NCOA1: variants seen among roughly 807,000 people sequenced by gnomAD.
The protein encoded by NCOA1 is Hin-2 protein.
In NCOA1, 35 loss-of-function variants were observed where a neutral mutation model predicts 150.9. The observed-to-expected ratio is 0.23, with a 90% confidence interval of 0.18 to 0.31. The LOEUF (loss-of-function observed/expected upper bound fraction) is 0.31. Among genes scored for constraint, NCOA1 ranks in the 10% least tolerant of loss-of-function variants. NCOA1 has a pLI of 1.00. For synonymous variants in NCOA1, 590 were observed against 630.0 expected (o/e 0.94, Z 0.95); for missense variants, 1,491 against 1,749.3 (o/e 0.85, Z 2.63).
In NCOA1 at chr2:24,707,170, A is replaced by G. The variant is rs761656585; in HGVS notation, c.1700A>G (p.Gln567Arg). 9.3e-6 allele frequency: 15 copies of G among 1,614,116 alleles called. No homozygotes were observed. In the African/African-American group the frequency reaches 1.6e-4, roughly 17 times the overall value. The stretch of plus-strand genomic sequence containing the variant: ...CCAGTCCTCAGGCAGATGAGCTCAC[A>G]GAATTCACCTAGCAGATTAAATATA... ...SSPVLRQMSS[Q>R]NSPSRLNIQP... Residue 567 changes from glutamine (Q) to arginine (R), a missense_variant, in exon 13 of 23, where the codon CAG becomes CGG. Gln to Arg is a conservative substitution (Grantham distance 43, BLOSUM62 1). Transcript: ENST00000348332.
chr2:24,744,654 C>T (rs544457187), intron 19 of NCOA1, among the ~76,000 whole-genome samples: 53 of 152,292 alleles, frequency 3.5e-4, no homozygotes, highest in African/African-American at 1.3e-3. Context: ...TGGTTTTATG[C>T]TTCTATTCCT....
chr2:24,569,295 GTTAA>G (rs1233960500), intron 2 of NCOA1, among the ~76,000 whole-genome samples: 2 of 152,068 alleles, frequency 1.3e-5, no homozygotes, highest in South Asian at 2.1e-4. Context: ...TTACATGTTT[GTTAA>G]TTAGTTTTTT....
chr2:24,585,264 A>G (rs1025734558), intron 3 of NCOA1, among the ~76,000 whole-genome samples: 1 of 152,150 alleles, frequency 6.6e-6, no homozygotes, highest in African/African-American at 2.4e-5. Context: ...AGTCTTACCA[A>G]TTTTTGTAGC....
chr2:24,538,904 T>C (rs1306225266), intron 1 of NCOA1, among the ~76,000 whole-genome samples: 1 of 152,166 alleles, frequency 6.6e-6, no homozygotes, highest in East Asian at 1.9e-4. Context: ...CATGACAGCG[T>C]AGTGATACAA....
At chr2:24,497,627 G>A (rs896849796) in intron 1 of NCOA1, among the ~76,000 whole-genome samples, 10 of 151,846 alleles carry the variant, frequency 6.6e-5, no homozygotes, top group Admixed American at 1.3e-4. Context: ...AGCCGAGATC[G>A]CGCCATTGCA....
intron 3 of NCOA1, among the ~76,000 whole-genome samples, chr2:24,589,937 TC>T (rs1667582915): frequency 6.6e-6 from 1 of 152,162 alleles, no homozygotes; most frequent in East Asian, 1.9e-4. Context: ...TCATATTTTT[TC>T]TAATTTATAT....
intron 2 of NCOA1, among the ~76,000 whole-genome samples, chr2:24,577,147 C>T (rs1320754655): frequency 6.6e-6 from 1 of 152,072 alleles, no homozygotes. Flanking sequence ...TGTTTAGGCT[C>T]TTCAAAGTGT....
chr2:24,711,792 TG>T (rs1673761473), intron 14 of NCOA1, among the ~76,000 whole-genome samples: 1 of 152,244 alleles, frequency 6.6e-6, no homozygotes, highest in Non-Finnish European at 1.5e-5. Flanking sequence ...AAGATAAGGC[TG>T]TCAGATTTTT....
At chr2:24,523,233 C>A (rs1304947179) in intron 1 of NCOA1, among the ~76,000 whole-genome samples, 1 of 152,132 alleles carries the variant, frequency 6.6e-6, no homozygotes, top group African/African-American at 2.4e-5. Flanking sequence ...AATAATCATA[C>A]CTATTTTTAA....
intron 4 of NCOA1, among the ~76,000 whole-genome samples, chr2:24,645,774 G>A (rs961505047): frequency 3.9e-5 from 6 of 152,128 alleles, no homozygotes; most frequent in Non-Finnish European, 8.8e-5. Context: ...ATCGGATTTT[G>A]GACTTGGGAT....
intron 4 of NCOA1, among the ~76,000 whole-genome samples, chr2:24,655,034 C>T (rs1358265977): frequency 6.6e-6 from 1 of 152,078 alleles, no homozygotes; most frequent in Non-Finnish European, 1.5e-5. Flanking sequence ...TTATAACTTA[C>T]TTTTTAATTT....
At position 24,603,031 on chromosome 2, in the gene NCOA1, C is replaced by T. The variant is rs150570959; in HGVS notation, c.-175+18471C>T. Among the ~76,000 whole-genome samples the T allele has an allele frequency of 2.2e-4, 34 of 152,264 alleles. No homozygotes were observed. In the East Asian group the frequency reaches 6.0e-3, roughly 27 times the overall value. The stretch of plus-strand genomic sequence containing the variant: ...TTTTAAAAAAGATAAGACGTACCTA[C>T]AAGATATTGTGGGTTCAGTTCCAGA... On this transcript the variant is annotated intron_variant, in intron 3 of 22. Transcript: ENST00000348332.
At chr2:24,654,174 G>A (rs1670824974) in intron 4 of NCOA1, among the ~76,000 whole-genome samples, 1 of 152,118 alleles carries the variant, frequency 6.6e-6, no homozygotes, top group Non-Finnish European at 1.5e-5. Flanking sequence ...TTTTAGAATG[G>A]ATGGTAACAA....
intron 1 of NCOA1, among the ~76,000 whole-genome samples, chr2:24,506,156 T>A (rs999147241): frequency 1.3e-5 from 2 of 152,034 alleles, no homozygotes; most frequent in African/African-American, 4.8e-5. Context: ...AAAGAGTCCT[T>A]GCTAATCCAG....
At chr2:24,671,661 A>G (rs980193947) in intron 6 of NCOA1, among the ~76,000 whole-genome samples, 2 of 152,094 alleles carry the variant, frequency 1.3e-5, no homozygotes, top group East Asian at 1.9e-4. Context: ...CCCAGGTCCA[A>G]GCAATTATTG....
At chr2:24,574,087 G>GA (rs1356002750) in intron 2 of NCOA1, among the ~76,000 whole-genome samples, 2 of 151,880 alleles carry the variant, frequency 1.3e-5, no homozygotes, top group Non-Finnish European at 1.5e-5. Flanking sequence ...TCTTAGGGTT[G>GA]AAAAACAAAA....
At chr2:24,725,258 A>G (rs1322149930) in intron 14 of NCOA1, among the ~76,000 whole-genome samples, 1 of 152,120 alleles carries the variant, frequency 6.6e-6, no homozygotes, top group Non-Finnish European at 1.5e-5. Context: ...AAAAGATTCT[A>G]TTTGGGCTAC....
chr2:24,559,608 A>G (rs1666215297), intron 1 of NCOA1, among the ~76,000 whole-genome samples: 2 of 152,152 alleles, frequency 1.3e-5, no homozygotes, highest in African/African-American at 4.8e-5. Context: ...GGGCTCTCTC[A>G]GCCTCAGCAT....
At chr2:24,745,161 T>C (rs1036679629) in intron 19 of NCOA1, among the ~76,000 whole-genome samples, 6 of 149,338 alleles carry the variant, frequency 4.0e-5, no homozygotes, top group Admixed American at 1.3e-4. Flanking sequence ...TTTTTTCTTT[T>C]TTTTTTTTTT....
Sources: gnomAD v4.1 joint callset for allele counts (sites outside exome capture counted in the v4.1 genomes callset) on GRCh38, gnomAD v4.1.1 for gene constraint, MANE v1.5 for transcripts, NCBI Gene and HGNC (gene_info 2026-07-23, HGNC 2026-07-21) for gene names.